FAF2: variants seen among roughly 807,000 people sequenced by gnomAD.
FAF2 encodes FAS-associated factor 2.
In FAF2, 9 loss-of-function variants were observed where a neutral mutation model predicts 62.3. The ratio of observed to expected loss-of-function variants is 0.14; its 90% CI spans 0.09 to 0.25. FAF2 has a LOEUF of 0.25. Ranked by LOEUF, FAF2 falls within the 10% of genes least tolerant of loss-of-function variation. FAF2 has a pLI of 1.00. For synonymous variants in FAF2, 202 were observed against 198.0 expected, an observed-to-expected ratio of 1.02 and a Z score of -0.17; for missense variants, 368 against 556.2, an observed-to-expected ratio of 0.66 and a Z score of 3.40.
chr5:176,450,431 T>TA (rs1172687808), intron 1 of FAF2, among the ~76,000 whole-genome samples: 1 of 152,178 alleles, frequency 6.6e-6, no homozygotes, highest in Non-Finnish European at 1.5e-5. Flanking sequence ...TTAAGTGCAA[T>TA]GAAGTAATGT....
At chr5:176,491,224 G>C (rs1183181935) in intron 4 of FAF2, among the ~76,000 whole-genome samples, 1 of 152,162 alleles carries the variant, frequency 6.6e-6, no homozygotes. Flanking sequence ...CATCCAACCA[G>C]CTTGTTTAAT....
At chr5:176,492,498 C>A (rs1561826228) in intron 5 of FAF2, among the ~76,000 whole-genome samples, 166 bp downstream of exon 5, 1 of 152,226 alleles carries the variant, frequency 6.6e-6, no homozygotes, top group East Asian at 1.9e-4. Context: ...TTTAGCTGGC[C>A]CCTCTTTGAT....
At chr5:176,475,754 G>A (rs1441956067) in intron 1 of FAF2, among the ~76,000 whole-genome samples, 2 of 151,348 alleles carry the variant, frequency 1.3e-5, no homozygotes, top group Non-Finnish European at 2.9e-5. Flanking sequence ...GGGGACAAGA[G>A]CGAGACTTCG....
chr5:176,499,884 A>C, intron 9 of FAF2, 119 bp from the exon 10 acceptor site: 1 of 1,172,262 alleles, frequency 8.5e-7, no homozygotes, highest in Middle Eastern at 2.8e-4. Flanking sequence ...TATTCCTGAG[A>C]GGTTTTTCTT....
intron 1 of FAF2, among the ~76,000 whole-genome samples, chr5:176,456,197 G>A (rs1758275148): frequency 6.6e-6 from 1 of 151,948 alleles, no homozygotes; most frequent in Non-Finnish European, 1.5e-5. Context: ...TCAGCCTCCC[G>A]AGTAGCTGGG....
chr5:176,460,573 T>C (rs1243157873), intron 1 of FAF2, among the ~76,000 whole-genome samples: 1 of 149,574 alleles, frequency 6.7e-6, no homozygotes, highest in African/African-American at 2.5e-5. Flanking sequence ...TTCCTGAGGG[T>C]CTCACTTTGT....
At chr5:176,464,470 G>T (rs1447083118) in intron 1 of FAF2, among the ~76,000 whole-genome samples, 1 of 146,544 alleles carries the variant, frequency 6.8e-6, no homozygotes, top group Non-Finnish European at 1.5e-5. Context: ...TCCATTTCTG[G>T]TGTTTCCAAG....
Position 176,500,084 on chromosome 5 carries a change from A to G in FAF2, c.1093A>G (p.Ile365Val), listed in dbSNP as rs1581075885. 2 of 1,614,160 alleles carry G rather than the reference A, an allele frequency of 1.2e-6. No individual in the cohort carries two copies. The highest frequency in any genetic ancestry group is 1.7e-6 in the Non-Finnish European group (2 of 1,180,006). ...SPDDPESVKI[I>V]FKLPNDSRVE... ...TGATGACCCTGAAAGTGTCAAGATC[A>G]TCTTCAAATTACCTAATGATTCTCG... Residue 365 changes from isoleucine to valine, a missense_variant, in exon 10 of 11, where the codon ATC becomes GTC. Transcript: ENST00000261942.
intron 1 of FAF2, among the ~76,000 whole-genome samples, chr5:176,475,236 C>T (rs1025021558): frequency 6.6e-6 from 1 of 152,010 alleles, no homozygotes; most frequent in African/African-American, 2.4e-5. Context: ...CTCAGGTGAT[C>T]CTGAATAGAT....
chr5:176,490,738 T>G (rs1561825576), intron 4 of FAF2, among the ~76,000 whole-genome samples: 1 of 152,180 alleles, frequency 6.6e-6, no homozygotes, highest in Non-Finnish European at 1.5e-5. Context: ...TAAAAATCTT[T>G]AAAATCATAA....
intron 1 of FAF2, among the ~76,000 whole-genome samples, chr5:176,473,073 T>C (rs1758602392): frequency 1.3e-5 from 2 of 152,224 alleles, no homozygotes; most frequent in South Asian, 4.1e-4. Context: ...CTTGTCAAAA[T>C]TGATGAACCA....
At chr5:176,458,874 C>T (rs2113717717) in intron 1 of FAF2, among the ~76,000 whole-genome samples, 1 of 152,210 alleles carries the variant, frequency 6.6e-6, no homozygotes, top group African/African-American at 2.4e-5. Flanking sequence ...CCTTCTCATG[C>T]CTCCCTTGCT....
intron 1 of FAF2, among the ~76,000 whole-genome samples, chr5:176,459,491 C>T (rs1344492090): frequency 6.6e-6 from 1 of 152,104 alleles, no homozygotes; most frequent in Non-Finnish European, 1.5e-5. Flanking sequence ...TCTCAAACTC[C>T]TGGGCTCAAG....
At chr5:176,463,785 A>G (rs1758420973) in intron 1 of FAF2, among the ~76,000 whole-genome samples, 1 of 144,860 alleles carries the variant, frequency 6.9e-6, no homozygotes, top group African/African-American at 2.6e-5. Flanking sequence ...GCTGGAGTGC[A>G]GTGGCGTGAT....
chr5:176,490,971 T>C (rs2113740383), intron 4 of FAF2, among the ~76,000 whole-genome samples: 1 of 152,344 alleles, frequency 6.6e-6, no homozygotes, highest in South Asian at 2.1e-4. Flanking sequence ...TTTTGTGCTT[T>C]TAATTCGCTC....
At chr5:176,485,594 CTG>C (rs1758862132) in intron 2 of FAF2, among the ~76,000 whole-genome samples, 1 of 152,144 alleles carries the variant, frequency 6.6e-6, no homozygotes, top group Non-Finnish European at 1.5e-5. Context: ...ATTTTTTAAA[CTG>C]AATATCAGTA....
At position 176,506,204 on chromosome 5, in the gene FAF2, A is replaced by C. The variant is rs796973207; in HGVS notation, c.1156-564A>C. Among the ~76,000 whole-genome samples the C allele has an allele frequency of 3.9e-3, 549 of 142,074 alleles. 8 individuals carry two copies. Among genetic ancestry groups the C allele is most frequent in the African/African-American group, 0.014 (528 of 37,258 alleles). 93.2% of individuals were successfully genotyped at this position (142,074 alleles called of 152,430 possible). A position where few individuals can be genotyped will look rare whatever the true frequency, so the allele number is the denominator to read the frequency against. On this transcript the variant is annotated intron_variant, in intron 10 of 10. Transcript: ENST00000261942. ...AGCGAGACTCTCTCAAAAAAAAAAA[A>C]AACAAAAAAAAAAAACTGGATCCCT...
At chr5:176,501,127 A>T (rs868234163) in intron 10 of FAF2, among the ~76,000 whole-genome samples, 6 of 149,734 alleles carry the variant, frequency 4.0e-5, no homozygotes, top group African/African-American at 1.2e-4. Flanking sequence ...TGTAAAAAAA[A>T]AAAATAAATA....
chr5:176,464,141 G>A (rs1758426075), intron 1 of FAF2, among the ~76,000 whole-genome samples: 1 of 151,654 alleles, frequency 6.6e-6, no homozygotes, highest in Non-Finnish European at 1.5e-5. Flanking sequence ...TTTTTTTGTA[G>A]AGACAGGGTC....
Sources: gnomAD v4.1 joint callset for allele counts (sites outside exome capture counted in the v4.1 genomes callset) on GRCh38, gnomAD v4.1.1 for gene constraint, MANE v1.5 for transcripts, NCBI Gene and HGNC (gene_info 2026-07-23, HGNC 2026-07-21) for gene names.